Variants in ACOT7 observed in about 807,000 individuals in gnomAD.
The protein encoded by ACOT7 is acyl-CoA thioesterase 7, also known as cytosolic acyl coenzyme A thioester hydrolase.
A neutral mutation model predicts 40.2 loss-of-function variants in ACOT7; 12 were observed. The observed-to-expected ratio is 0.30, with a 90% confidence interval of 0.19 to 0.48. The LOEUF (loss-of-function observed/expected upper bound fraction) is 0.48, where lower values mean the gene tolerates loss of function less well. Among genes scored for constraint, ACOT7 ranks in the 20% least tolerant of loss-of-function variants. The probability of loss-of-function intolerance (pLI) is 0.99; values close to 1 mark genes in which losing one functional copy is unlikely to be tolerated. For missense variants in ACOT7, 395 were observed against 530.8 expected, an observed-to-expected ratio of 0.74 and a Z score of 2.51; for synonymous variants, 228 against 219.5, an observed-to-expected ratio of 1.04 and a Z score of -0.34.
intron 1 of ACOT7, among the ~76,000 whole-genome samples, chr1:6,378,413 G>A (rs1228184671): frequency 2.0e-5 from 3 of 151,996 alleles, no homozygotes; most frequent in African/African-American, 7.2e-5. Flanking sequence ...CATGGGGGCA[G>A]GTACCGTTGG....
intron 2 of ACOT7, among the ~76,000 whole-genome samples, chr1:6,342,961 A>T (rs1641315550): frequency 6.6e-6 from 1 of 152,186 alleles, no homozygotes; most frequent in Non-Finnish European, 1.5e-5. Context: ...AGCCATGGGG[A>T]ATGTGAGTCT....
chr1:6,287,435 T>C (rs1639535369), intron 7 of ACOT7, among the ~76,000 whole-genome samples: 1 of 152,176 alleles, frequency 6.6e-6, no homozygotes, highest in African/African-American at 2.4e-5. Flanking sequence ...CAAACAGAGA[T>C]AGCGACAGTC....
At chr1:6,266,809 A>AG (rs1173281052) in intron 8 of ACOT7, among the ~76,000 whole-genome samples, 2 of 152,390 alleles carry the variant, frequency 1.3e-5, no homozygotes, top group East Asian at 3.9e-4. Flanking sequence ...AAGACCCTGT[A>AG]GCAGGCAGAG....
intron 7 of ACOT7, among the ~76,000 whole-genome samples, chr1:6,293,070 T>C (rs1445097581): frequency 6.6e-6 from 1 of 152,062 alleles, no homozygotes; most frequent in East Asian, 1.9e-4. Flanking sequence ...TTTGTATTTT[T>C]AGTAGAGACA....
Position 6,393,303 on chromosome 1 carries a change from T to A in ACOT7, c.97A>T (p.Met33Leu). The change falls in exon 1 of 9, where the codon ATG becomes TTG. Residue 33 changes from methionine to leucine, a missense_variant. Met to Leu is a conservative substitution (Grantham distance 15). Transcript: ENST00000361521. ...GGCGTCTCGACGTCTGGGCCCGACA[T>A]GCTGGGGGCTGCGGCGGCGGATGCG... Reference protein sequence around the residue: ...PAASAAAAPSMSGPDVETPSA... With the variant: ...PAASAAAAPSLSGPDVETPSA... The A allele has an allele frequency of 7.8e-7, 1 of 1,282,492 alleles. No individual in the cohort carries two copies. Among genetic ancestry groups the A allele is most frequent in the Non-Finnish European group, 9.9e-7 (1 of 1,014,458 alleles). The allele number at this position is 1,282,492 out of a possible 1,614,324, so 79.4% of individuals were successfully genotyped here.
At chr1:6,265,826 C>A (rs1638835039) in intron 8 of ACOT7, among the ~76,000 whole-genome samples, 1 of 152,200 alleles carries the variant, frequency 6.6e-6, no homozygotes, top group Admixed American at 6.5e-5. Flanking sequence ...TTCATTTCAT[C>A]CACAATGACA....
Position 6,282,958 on chromosome 1 carries a change from C to A in ACOT7, c.830-1672G>T, listed in dbSNP as rs953398536. 32 of 475,850 alleles carry A rather than the reference C, an allele frequency of 6.7e-5. No homozygotes were observed. The highest frequency in any genetic ancestry group is 6.2e-4 in the African/African-American group (31 of 50,118). The allele number at this position is 475,850 out of a possible 1,614,324, so 29.5% of individuals were successfully genotyped here. A position where few individuals can be genotyped will look rare whatever the true frequency, so the allele number is the denominator to read the frequency against. On this transcript the variant is annotated intron_variant, in intron 7 of 8. Transcript: ENST00000361521. This position sits in a 1 kb window ranked among gnomAD's most constrained non-coding sequence, Gnocchi z 4.5. ...TGCCTCCTTCCTCACAATGCCCAGC[C>A]CACATCCCTCACCAACAATTGTGTA...
chr1:6,353,154 A>C (rs1641642337), intron 1 of ACOT7, among the ~76,000 whole-genome samples: 1 of 149,498 alleles, frequency 6.7e-6, no homozygotes, highest in African/African-American at 2.5e-5. Flanking sequence ...GAGCCACCGC[A>C]CCCGGCCCCT....
intron 6 of ACOT7, among the ~76,000 whole-genome samples, chr1:6,310,294 AGAG>A (rs1211124067): frequency 6.6e-6 from 1 of 152,196 alleles, no homozygotes; most frequent in Non-Finnish European, 1.5e-5. Flanking sequence ...GGCAGGTGAA[AGAG>A]GAGGAGGCAG....
intron 7 of ACOT7, among the ~76,000 whole-genome samples, chr1:6,287,896 C>A (rs183094897): frequency 2.0e-5 from 3 of 152,292 alleles, no homozygotes; most frequent in African/African-American, 7.2e-5. Flanking sequence ...ACATAACACA[C>A]CCCAAGGCCT....
At chr1:6,314,438 CA>C (rs1300887256) in intron 6 of ACOT7, among the ~76,000 whole-genome samples, 2 of 151,582 alleles carry the variant, frequency 1.3e-5, no homozygotes, top group Non-Finnish European at 2.9e-5. Flanking sequence ...CTAAGATGGC[CA>C]AAAGTTGAGA....
rs984968695 is a variant in ACOT7 at position 6,340,640 on chromosome 1, T to TA, written c.262-1052dup. Among the ~76,000 whole-genome samples the TA allele has an allele frequency of 7.2e-5, 11 of 152,320 alleles. No individual in the cohort carries two copies. In the South Asian group the frequency reaches 1.0e-3, roughly 14 times the overall value. On this transcript the variant is annotated intron_variant, in intron 2 of 8. Coordinates refer to ENST00000361521, the MANE Select transcript of ACOT7 (RefSeq NM_007274.4). ...CTCGTTTCACAGTTTTAGTCTAATA[T>TA]AGCTGTGCAAAAACTAAGTATACAC...
At chr1:6,392,927 G>A (rs1642557429) in intron 1 of ACOT7, among the ~76,000 whole-genome samples, 1 of 152,088 alleles carries the variant, frequency 6.6e-6, no homozygotes, top group African/African-American at 2.4e-5. Flanking sequence ...CACGGGCGCC[G>A]GTCGCCGGGC....
chr1:6,322,957 C>A (rs899352055), intron 5 of ACOT7, among the ~76,000 whole-genome samples: 2 of 151,690 alleles, frequency 1.3e-5, no homozygotes, highest in African/African-American at 4.8e-5. Context: ...ATGGTGAAAC[C>A]CCTCTCTATT....
Position 6,274,227 on chromosome 1 carries a change from G to A in ACOT7, c.1014+6875C>T, listed in dbSNP as rs1049984303. 6.6e-6 allele frequency among the ~76,000 whole-genome samples: 1 copy of A among 152,194 alleles called. No individual in the cohort carries two copies. Among genetic ancestry groups the A allele is most frequent in the South Asian group, 2.1e-4 (1 of 4,828 alleles). The stretch of plus-strand genomic sequence containing the variant: ...AATTACAGCATCACTGAGAAGGCAC[G>A]GAGAGGGAACTTGGGGTAACAGCCT... On this transcript the variant is annotated intron_variant, in intron 8 of 8. Coordinates refer to ENST00000361521, the MANE Select transcript of ACOT7 (RefSeq NM_007274.4). The surrounding 1 kb of genome is among the most constrained non-coding windows in gnomAD (Gnocchi z 5.9).
intron 7 of ACOT7, 76 bp from the exon 8 acceptor site, chr1:6,281,362 T>C: frequency 7.3e-7 from 1 of 1,360,606 alleles, no homozygotes; most frequent in Non-Finnish European, 1.0e-6. Flanking sequence ...GTTTCTGTGG[T>C]CAGCAGGCAG....
chr1:6,380,580 C>T (rs1642315295), intron 1 of ACOT7, among the ~76,000 whole-genome samples: 1 of 140,700 alleles, frequency 7.1e-6, no homozygotes, highest in African/African-American at 2.9e-5. Flanking sequence ...CAGAGCAAGA[C>T]CGTCTCAAAA....
At chr1:6,287,785 C>T (rs972865739) in intron 7 of ACOT7, among the ~76,000 whole-genome samples, 1 of 152,174 alleles carries the variant, frequency 6.6e-6, no homozygotes, top group South Asian at 2.1e-4. Context: ...CCAAGTGTTT[C>T]AGAGTTTAGG....
intron 8 of ACOT7, among the ~76,000 whole-genome samples, 162 bp from the exon 9 acceptor site, chr1:6,264,857 C>T (rs1429583196): frequency 6.6e-6 from 1 of 151,240 alleles, no homozygotes; most frequent in East Asian, 1.9e-4. Flanking sequence ...CTGGGACTGC[C>T]GGGTAGCCCA....
Sources: gnomAD v4.1 joint callset for allele counts (sites outside exome capture counted in the v4.1 genomes callset) on GRCh38, gnomAD v4.1.1 for gene constraint, Gnocchi (gnomAD v3.1) non-coding constraint, MANE v1.5 for transcripts, NCBI Gene and HGNC (gene_info 2026-07-23, HGNC 2026-07-21) for gene names.